CSNK1G1: variants seen among roughly 807,000 people sequenced by gnomAD.
CSNK1G1 encodes the protein casein kinase 1 gamma 1, also known as casein kinase I isoform gamma-1.
Under a neutral mutation model 59.6 loss-of-function variants are expected in CSNK1G1, and 22 were observed. That is an observed-to-expected ratio of 0.37 (90% CI 0.26 to 0.53). CSNK1G1 has a LOEUF of 0.53. CSNK1G1 is among the 20% of genes least tolerant of loss of function. The pLI is 0.89. For synonymous variants in CSNK1G1, 179 were observed against 177.1 expected (o/e 1.01, Z -0.08); for missense variants, 384 against 519.5 (o/e 0.74, Z 2.54).
At chr15:64,332,675 T>TA (rs773287028) in intron 1 of CSNK1G1, among the ~76,000 whole-genome samples, 21 of 126,244 alleles carry the variant, frequency 1.7e-4, no homozygotes, top group East Asian at 4.5e-4. Context: ...AAAGTATAAT[T>TA]AAAAATAAAA....
chr15:64,338,376 T>C (rs762217084), intron 1 of CSNK1G1, among the ~76,000 whole-genome samples: 10 of 152,130 alleles, frequency 6.6e-5, no homozygotes, highest in Non-Finnish European at 1.0e-4. Flanking sequence ...TAAGTAAGCA[T>C]AGGCATGGGA....
chr15:64,277,096 T>C (rs1266833265), intron 2 of CSNK1G1, among the ~76,000 whole-genome samples: 1 of 152,128 alleles, frequency 6.6e-6, no homozygotes, highest in African/African-American at 2.4e-5. Flanking sequence ...GTCAAATATA[T>C]TTTCCTGCCA....
At chr15:64,292,205 G>A (rs559502853) in intron 2 of CSNK1G1, among the ~76,000 whole-genome samples, 17 of 143,546 alleles carry the variant, frequency 1.2e-4, no homozygotes, top group East Asian at 4.1e-4. Flanking sequence ...GCGAGACTCC[G>A]TCACAAAAAA....
chr15:64,345,122 A>C (rs1288001662), intron 1 of CSNK1G1, among the ~76,000 whole-genome samples: 1 of 152,234 alleles, frequency 6.6e-6, no homozygotes, highest in African/African-American at 2.4e-5. Flanking sequence ...TAAGGTTAAA[A>C]TGTTTTAGAA....
chr15:64,186,749 T>C (rs1029496568), intron 10 of CSNK1G1, among the ~76,000 whole-genome samples: 5 of 152,196 alleles, frequency 3.3e-5, no homozygotes, highest in Non-Finnish European at 7.4e-5. Context: ...CCTCAAGTGA[T>C]CCTCCTGCCT....
chr15:64,268,798 T>C (rs1893120113), intron 2 of CSNK1G1, among the ~76,000 whole-genome samples: 1 of 152,162 alleles, frequency 6.6e-6, no homozygotes, highest in Non-Finnish European at 1.5e-5. Context: ...ACTGCTGGGA[T>C]AGGGTCTGGC....
At chr15:64,279,452 A>G (rs1379291708) in intron 2 of CSNK1G1, among the ~76,000 whole-genome samples, 1 of 152,120 alleles carries the variant, frequency 6.6e-6, no homozygotes, top group African/African-American at 2.4e-5. Flanking sequence ...TCTTGCATGC[A>G]TTAGTAGTTC....
intron 10 of CSNK1G1, among the ~76,000 whole-genome samples, chr15:64,196,032 C>A (rs2082034239): frequency 6.6e-6 from 1 of 151,930 alleles, no homozygotes; most frequent in South Asian, 2.1e-4. Context: ...GAGTTTGAGA[C>A]CAGGAGGCCC....
At chr15:64,278,410 GTGTGTGTGTATATATATA>G (rs1312569606) in intron 2 of CSNK1G1, among the ~76,000 whole-genome samples, 7 of 114,968 alleles carry the variant, frequency 6.1e-5, no homozygotes, top group African/African-American at 3.0e-4. Flanking sequence ...GTGTGTGTGT[GTGTGTGTGTATATATATA>G]TATATTTTTT....
At chr15:64,265,822 A>G (rs1350542716) in intron 2 of CSNK1G1, 14 of 456,490 alleles carry the variant, frequency 3.1e-5, no homozygotes, top group South Asian at 2.2e-4. Context: ...GCTTATGCCT[A>G]TTACTGCCAG....
At chr15:64,244,350 A>G (rs1209658930) in intron 4 of CSNK1G1, among the ~76,000 whole-genome samples, 3 of 148,168 alleles carry the variant, frequency 2.0e-5, no homozygotes, top group African/African-American at 7.6e-5. Context: ...AACACTGGTG[A>G]AGGAAACTGA....
At chr15:64,201,731 TGTGTGTGTGTGTGTGTGTG>T in intron 10 of CSNK1G1, among the ~76,000 whole-genome samples, 3 of 151,430 alleles carry the variant, frequency 2.0e-5, no homozygotes, top group South Asian at 2.1e-4. Context: ...TGTGTGTGTG[TGTGTGTGTGTGTGTGTGTG>T]TTTATATACT....
intron 1 of CSNK1G1, among the ~76,000 whole-genome samples, chr15:64,327,261 C>T (rs1896898665): frequency 1.3e-5 from 2 of 151,832 alleles, no homozygotes; most frequent in African/African-American, 2.4e-5. Flanking sequence ...CCTCTGCAGA[C>T]TTAAATGTCC....
At chr15:64,352,112 G>A (rs756975494) in intron 1 of CSNK1G1, among the ~76,000 whole-genome samples, 1 of 151,920 alleles carries the variant, frequency 6.6e-6, no homozygotes, top group Admixed American at 6.6e-5. Flanking sequence ...TTAGAGAGCC[G>A]CCTGGCCAAC....
Position 64,180,482 on chromosome 15 carries a change from C to A in CSNK1G1, c.1108-28G>T, listed in dbSNP as rs761329290. 4.5e-6 allele frequency: 7 copies of A among 1,561,580 alleles called. No homozygotes were observed. The Admixed American group carries it at 1.2e-4, about 26-fold the overall frequency. On this transcript the variant is annotated intron_variant, in intron 10 of 11. Transcript: ENST00000303052. ...GAAACAGAAAGACAGAAGTGTGTGA[C>A]AGGCACCATGGCAACAGAAATCTCT...
At chr15:64,298,964 T>C (rs541427361) in intron 2 of CSNK1G1, among the ~76,000 whole-genome samples, 1 of 151,972 alleles carries the variant, frequency 6.6e-6, no homozygotes, top group Admixed American at 6.6e-5. Flanking sequence ...CACTTGAACC[T>C]GGGAAGAGGA....
chr15:64,250,090 C>T (rs1317597126), intron 4 of CSNK1G1, among the ~76,000 whole-genome samples: 1 of 152,108 alleles, frequency 6.6e-6, no homozygotes, highest in African/African-American at 2.4e-5. Flanking sequence ...AATAACTTAA[C>T]AACATTATAA....
At chr15:64,250,321 A>G (rs1596159250) in intron 4 of CSNK1G1, among the ~76,000 whole-genome samples, 1 of 152,220 alleles carries the variant, frequency 6.6e-6, no homozygotes, top group African/African-American at 2.4e-5. Flanking sequence ...TCCCTGGGTT[A>G]TAACTATAGC....
rs941122796 is a variant in CSNK1G1, at chr15:64,296,786, C to T, written c.181+3533G>A. 3.3e-5 allele frequency among the ~76,000 whole-genome samples: 5 copies of T among 151,964 alleles called. No homozygotes were observed. The South Asian group carries it at 6.2e-4, about 19-fold the overall frequency. On this transcript the variant is annotated intron_variant, in intron 2 of 11. Coordinates refer to ENST00000303052, the MANE Select transcript of CSNK1G1 (RefSeq NM_022048.5). ...GGCTGAGACAGGAGAATCACTTGAA[C>T]CCGGGAGGCAGAGGTTGCAGTGAGC... is the stretch of plus-strand genomic sequence containing the variant.
Sources: gnomAD v4.1 joint callset for allele counts (sites outside exome capture counted in the v4.1 genomes callset) on GRCh38, gnomAD v4.1.1 for gene constraint, MANE v1.5 for transcripts, NCBI Gene and HGNC (gene_info 2026-07-23, HGNC 2026-07-21) for gene names.